PCDHA1: variants seen among roughly 807,000 people sequenced by gnomAD.
PCDHA1 encodes protocadherin alpha-1.
Under a neutral mutation model 61.3 loss-of-function variants are expected in PCDHA1, and 42 were observed. The ratio of observed to expected loss-of-function variants is 0.69; its 90% confidence interval spans 0.54 to 0.89. PCDHA1 has a LOEUF of 0.89. Ranked by LOEUF, PCDHA1 falls within the 40% of genes least tolerant of loss-of-function variation. PCDHA1 has a pLI of 0.00. For missense variants in PCDHA1, 1,256 were observed against 1,235.3 expected (o/e 1.02, Z -0.25); for synonymous variants, 610 against 553.8 (o/e 1.10, Z -1.43).
At chr5:140,859,558 A>G (rs1554152480) in intron 1 of PCDHA1, 1 of 177,480 alleles carries the variant, frequency 5.6e-6, no homozygotes, top group African/African-American at 2.4e-5. Flanking sequence ...CCAAACACCA[A>G]TGCCATGAAT....
intron 1 of PCDHA1, chr5:140,928,916 G>A (rs1287378711): frequency 5.0e-6 from 8 of 1,613,988 alleles, no homozygotes; most frequent in East Asian, 2.2e-5. Flanking sequence ...GAACCAGGAG[G>A]GCAGCTTTCT....
Position 140,786,166 on chromosome 5 carries a change from G to C in PCDHA1, c.-125G>C. On this transcript the variant is annotated 5_prime_UTR_variant, in exon 1 of 4. Coordinates refer to ENST00000504120, the MANE Select transcript of PCDHA1 (RefSeq NM_018900.4). The stretch of plus-strand genomic sequence containing the variant: ...CTGATCACTAAAAGTGAAGGAGGAA[G>C]CTCCATTTTGTCACCGCCTGAGAGA... 1 of 1,240,938 alleles carries C rather than the reference G, an allele frequency of 8.1e-7. No individual in the cohort carries two copies. The highest frequency in any genetic ancestry group is 1.5e-5 in the South Asian group (1 of 66,290). The allele number at this position is 1,240,938 out of a possible 1,614,324, so 76.9% of individuals were successfully genotyped here.
intron 1 of PCDHA1, among the ~76,000 whole-genome samples, chr5:140,892,696 C>T (rs1005435710): frequency 4.6e-5 from 7 of 152,098 alleles, no homozygotes; most frequent in Admixed American, 6.6e-5. Context: ...ATAATAAAAT[C>T]AGGGTAATTA....
At chr5:140,919,823 T>C (rs1554199267) in intron 1 of PCDHA1, among the ~76,000 whole-genome samples, 1 of 152,222 alleles carries the variant, frequency 6.6e-6, no homozygotes, top group Non-Finnish European at 1.5e-5. Flanking sequence ...AAAATATATG[T>C]CCACATAGTA....
chr5:140,850,112 C>T lies in PCDHA1; in HGVS notation c.2394+61428C>T, dbSNP rs2150468097. On this transcript the variant is annotated intron_variant, in intron 1 of 3. Coordinates refer to ENST00000504120, the MANE Select transcript of PCDHA1 (RefSeq NM_018900.4). ...TACAGTTCCAGGTGAGCGCGCGCGA[C>T]GCGGGCGTGCCGCCTCTGGGCAGCA... 91 of 1,595,906 alleles carry T rather than the reference C, an allele frequency of 5.7e-5. 9 individuals are homozygous for T. The highest frequency in any genetic ancestry group is 5.9e-5 in the Non-Finnish European group (69 of 1,167,846).
At position 140,837,735 on chromosome 5, in the gene PCDHA1, G is replaced by C. The variant is rs1268467335; in HGVS notation, c.2394+49051G>C. On this transcript the variant is annotated intron_variant, in intron 1 of 3. Coordinates refer to ENST00000504120, the MANE Select transcript of PCDHA1 (RefSeq NM_018900.4). ...ATCACCCAGGCTGCTGAAATGCAGT[G>C]GTGGGATTATAGCCCACTGCAACCT... 1.3e-5 allele frequency among the ~76,000 whole-genome samples: 2 copies of C among 151,294 alleles called. 1 individual carries two copies. The highest frequency in any genetic ancestry group is 3.9e-4 in the East Asian group (2 of 5,172).
At chr5:140,789,550 C>T (rs1479736705) in intron 1 of PCDHA1, among the ~76,000 whole-genome samples, 2 of 152,036 alleles carry the variant, frequency 1.3e-5, no homozygotes, top group East Asian at 3.8e-4. Context: ...CATACAACCA[C>T]GACTTCATTG....
intron 3 of PCDHA1, among the ~76,000 whole-genome samples, chr5:140,991,053 A>G (rs2097429648): frequency 6.6e-6 from 1 of 152,220 alleles, no homozygotes; most frequent in Non-Finnish European, 1.5e-5. Context: ...TGAGAGAAGT[A>G]CATTATTATT....
chr5:140,836,580 A>G (rs782817140), intron 1 of PCDHA1: 1 of 1,613,664 alleles, frequency 6.2e-7, no homozygotes, highest in East Asian at 2.2e-5. Flanking sequence ...GGGCGCATGT[A>G]GTTTGGTAAA....
intron 1 of PCDHA1, chr5:140,856,129 C>T: frequency 6.3e-7 from 1 of 1,598,096 alleles, no homozygotes; most frequent in Non-Finnish European, 8.6e-7. Flanking sequence ...AGGTGGGGAG[C>T]GGCCAGCTCC....
At chr5:141,008,684 G>C (rs1426948038) in intron 3 of PCDHA1, among the ~76,000 whole-genome samples, 1 of 152,118 alleles carries the variant, frequency 6.6e-6, no homozygotes, top group Admixed American at 6.5e-5. Context: ...TTTAGTTATT[G>C]CATGTATTAA....
At chr5:140,967,268 C>T in intron 1 of PCDHA1, 1 of 1,613,522 alleles carries the variant, frequency 6.2e-7, no homozygotes, top group Non-Finnish European at 8.5e-7. Context: ...AGCGCGCTTT[C>T]ACATAGAGAG....
intron 1 of PCDHA1, among the ~76,000 whole-genome samples, chr5:140,931,907 G>T (rs573618162): frequency 6.6e-6 from 1 of 151,782 alleles, no homozygotes; most frequent in Non-Finnish European, 1.5e-5. Flanking sequence ...CATTTGAAAA[G>T]CATGACATTT....
intron 1 of PCDHA1, among the ~76,000 whole-genome samples, chr5:140,961,947 G>A (rs1183967245): frequency 6.6e-6 from 1 of 150,956 alleles, no homozygotes; most frequent in Non-Finnish European, 1.5e-5. Flanking sequence ...GCAGTGGCAT[G>A]ATCTCGGCTC....
chr5:140,890,945 G>A (rs2062873584), intron 1 of PCDHA1, among the ~76,000 whole-genome samples: 1 of 152,132 alleles, frequency 6.6e-6, no homozygotes, highest in Non-Finnish European at 1.5e-5. Flanking sequence ...AGATGCTGGT[G>A]AGGAATGATT....
chr5:140,834,613 T>C, intron 1 of PCDHA1: 2 of 1,614,054 alleles, frequency 1.2e-6, no homozygotes, highest in African/African-American at 1.3e-5. Flanking sequence ...CTTCTGGAGG[T>C]AAATCTGCAG....
intron 1 of PCDHA1, chr5:140,807,788 G>T: frequency 6.2e-7 from 1 of 1,614,142 alleles, no homozygotes; most frequent in Non-Finnish European, 8.5e-7. Context: ...GAAATCTTTA[G>T]ACAGAGAAGA....
intron 1 of PCDHA1, chr5:140,835,670 C>T (rs1554135177): frequency 5.6e-6 from 9 of 1,613,734 alleles, no homozygotes; most frequent in African/African-American, 1.3e-5. Context: ...CCGCGCGGGA[C>T]GGGGGCTCGC....
chr5:140,980,057 C>T (rs559895684), intron 2 of PCDHA1, among the ~76,000 whole-genome samples: 2 of 152,272 alleles, frequency 1.3e-5, no homozygotes, highest in East Asian at 3.9e-4. Context: ...GATTCAGAAG[C>T]AATCAGTGAA....
Sources: gnomAD v4.1 joint callset for allele counts (sites outside exome capture counted in the v4.1 genomes callset) on GRCh38, gnomAD v4.1.1 for gene constraint, MANE v1.5 for transcripts, NCBI Gene and HGNC (gene_info 2026-07-23, HGNC 2026-07-21) for gene names.